PDE6B: variants seen among roughly 807,000 people sequenced by gnomAD.
PDE6B encodes phosphodiesterase 6B, also known as rod cGMP-specific 3',5'-cyclic phosphodiesterase subunit beta.
Under a neutral mutation model 109.0 loss-of-function variants are expected in PDE6B, and 106 were observed. That is an observed-to-expected ratio of 0.97 (90% CI 0.83 to 1.14). The LOEUF is 1.14. PDE6B is among the 50% of genes most tolerant of loss of function. PDE6B has a pLI of 0.00. For missense variants in PDE6B, 1,193 were observed against 1,155.6 expected, an observed-to-expected ratio of 1.03 and a Z score of -0.47; for synonymous variants, 490 against 471.3, an observed-to-expected ratio of 1.04 and a Z score of -0.51.
In PDE6B at chr4:657,394, C is replaced by T. The variant is rs756759117; in HGVS notation, c.1301C>T (p.Thr434Ile). 6.2e-7 allele frequency: 1 copy of T among 1,613,166 alleles called. No individual in the cohort carries two copies. The highest frequency in any genetic ancestry group is 8.5e-7 in the Non-Finnish European group (1 of 1,179,784). The change falls in exon 10 of 22, where the codon ACC (threonine) becomes ATC (isoleucine). Residue 434 changes from threonine to isoleucine, a missense_variant. Coordinates refer to ENST00000496514, the MANE Select transcript of PDE6B (RefSeq NM_000283.4). ...GGCTGGTCAGTGATGAACACCGACA[C>T]CTACGACAAGATGAACAAGCTGGAG... The part of the protein sequence containing the change: ...FLGWSVMNTD[T>I]YDKMNKLENR...
chr4:647,190 A>C (rs550450367), intron 3 of PDE6B, among the ~76,000 whole-genome samples: 1 of 152,050 alleles, frequency 6.6e-6, no homozygotes, highest in East Asian at 1.9e-4. Flanking sequence ...CCAGTCTGAT[A>C]ATTCCCAACT....
intron 5 of PDE6B, 180 bp from the exon 6 acceptor site, chr4:654,644 C>G (rs1262717476): frequency 7.2e-6 from 5 of 691,784 alleles, no homozygotes; most frequent in Non-Finnish European, 1.1e-5. Context: ...AGTGCACCCG[C>G]ATTCGTAGAA....
chr4:657,084 G>A (rs570889120), intron 9 of PDE6B, 61 bp downstream of exon 9: 32 of 1,521,458 alleles, frequency 2.1e-5, no homozygotes, highest in African/African-American at 2.7e-5. Context: ...GGGCCTGTGC[G>A]GTGTGGGGGC....
intron 10 of PDE6B, among the ~76,000 whole-genome samples, chr4:658,472 A>G (rs1577287095): frequency 7.2e-6 from 1 of 139,194 alleles, no homozygotes; most frequent in African/African-American, 2.7e-5. Flanking sequence ...CAGGGGTCAC[A>G]GCTGTGTGGG....
chr4:652,573 C>T (rs1035195659), intron 3 of PDE6B: 7 of 780,138 alleles, frequency 9.0e-6, no homozygotes, highest in African/African-American at 5.6e-5. Context: ...GTTCTGCTTC[C>T]GAGGATTTAT....
chr4:658,574 C>T (rs1282383875), intron 10 of PDE6B, among the ~76,000 whole-genome samples: 1 of 152,090 alleles, frequency 6.6e-6, no homozygotes, highest in African/African-American at 2.4e-5. Flanking sequence ...GGGACACGGC[C>T]CTGGGGCCAG....
intron 21 of PDE6B, among the ~76,000 whole-genome samples, chr4:669,348 C>T (rs1738202501): frequency 7.2e-6 from 1 of 139,042 alleles, no homozygotes; most frequent in African/African-American, 3.0e-5. Flanking sequence ...TTCCCCTACC[C>T]CATGCTATTC....
intron 21 of PDE6B, among the ~76,000 whole-genome samples, chr4:669,510 A>G (rs5021193): frequency 0.044 from 2,239 of 51,312 alleles, 44 homozygotes; most frequent in Middle Eastern, 0.056. Context: ...TGCTATTCCC[A>G]CTACCCCATG....
chr4:632,511 G>A (rs935116385), intron 1 of PDE6B, among the ~76,000 whole-genome samples: 1 of 151,568 alleles, frequency 6.6e-6, no homozygotes, highest in Admixed American at 6.6e-5. Flanking sequence ...GATCCATGTG[G>A]CACCATCTCT....
At chr4:659,103 G>C in intron 11 of PDE6B, 86 bp downstream of exon 11, 1 of 991,260 alleles carries the variant, frequency 1.0e-6, no homozygotes, top group Non-Finnish European at 1.6e-6. Flanking sequence ...GGGACCCGAC[G>C]GTGCTTTGCA....
At chr4:628,498 G>A (rs1298615511) in intron 1 of PDE6B, among the ~76,000 whole-genome samples, 21 of 152,338 alleles carry the variant, frequency 1.4e-4, no homozygotes, top group Admixed American at 1.2e-3. Flanking sequence ...TTACATTGGG[G>A]AACTAATGTC....
chr4:666,645 T>G lies in PDE6B; in HGVS notation c.2352+31T>G. The G allele has an allele frequency of 6.8e-7, 1 of 1,466,592 alleles. No individual in the cohort carries two copies. Among genetic ancestry groups the G allele is most frequent in the Non-Finnish European group, 9.6e-7 (1 of 1,045,912 alleles). The allele number at this position is 1,466,592 out of a possible 1,614,324, so 90.8% of individuals were successfully genotyped here. A position where few individuals can be genotyped will look rare whatever the true frequency, so the allele number is the denominator to read the frequency against. ...TGGTTCACGGGTGTTCCGAGCTGACTGGGGCAGGGTGGCTGGGAGCAGGCA... is the reference window on the plus strand; with the variant it reads ...TGGTTCACGGGTGTTCCGAGCTGACGGGGGCAGGGTGGCTGGGAGCAGGCA... On this transcript the variant is annotated intron_variant, in intron 20 of 21. Transcript: ENST00000496514. The surrounding 1 kb of genome is among the most constrained non-coding windows in gnomAD (Gnocchi z 5.6).
intron 3 of PDE6B, chr4:653,618 G>A (rs1275234426): frequency 4.9e-6 from 3 of 612,554 alleles, no homozygotes; most frequent in Non-Finnish European, 8.7e-6. Flanking sequence ...AGTGATCAGG[G>A]ACACGACCGC....
intron 7 of PDE6B, 23 bp downstream of exon 7, chr4:656,029 TC>T (rs752955687): frequency 6.0e-6 from 9 of 1,503,014 alleles, no homozygotes; most frequent in Non-Finnish European, 8.3e-6. Flanking sequence ...CTGTCTGGAG[TC>T]CCCACAGCCT....
chr4:662,753 G>A lies in PDE6B; in HGVS notation c.1832+135G>A. The A allele has an allele frequency of 2.8e-6, 2 of 710,434 alleles. No individual in the cohort carries two copies. The highest frequency in any genetic ancestry group is 5.1e-6 in the Non-Finnish European group (2 of 392,302). The allele number at this position is 710,434 out of a possible 1,614,324, so 44.0% of individuals were successfully genotyped here. A position where few individuals can be genotyped will look rare whatever the true frequency, so the allele number is the denominator to read the frequency against. ...GCCCCGTACTCCAGCACTGTGGGAG[G>A]CCAAGGCGAGGGGATTGCTTGAGCC... On this transcript the variant is annotated intron_variant, in intron 14 of 21. Coordinates refer to ENST00000496514, the MANE Select transcript of PDE6B (RefSeq NM_000283.4). The surrounding 1 kb of genome is among the most constrained non-coding windows in gnomAD (Gnocchi z 4.3).
chr4:663,110 C>G lies in PDE6B; in HGVS notation c.1843C>G (p.Pro615Ala). The G allele has an allele frequency of 1.2e-6, 2 of 1,607,780 alleles. No homozygotes were observed. Among genetic ancestry groups the G allele is most frequent in the East Asian group, 4.5e-5 (2 of 44,810 alleles). Residue 615 changes from proline to alanine, a missense_variant, in exon 15 of 22, where the codon CCC (proline) becomes GCC (alanine). By Grantham distance (27) the Pro-to-Ala change is conservative (BLOSUM62 -1). Transcript: ENST00000496514. The surrounding 1 kb of genome is among the most constrained non-coding windows in gnomAD (Gnocchi z 4.0). Reference sequence around the variant, plus strand: ...CCACCTGTGTAACAGGTCCCAGAACCCCTTGGCTAAGCTCCACGGCTCCTC... The same window carrying G: ...CCACCTGTGTAACAGGTCCCAGAACGCCTTGGCTAAGCTCCACGGCTCCTC... ...NNLYQMKSQN[P>A]LAKLHGSSIL...
At chr4:667,762 A>C (rs1737961090) in intron 20 of PDE6B, 94 bp from the exon 21 acceptor site, 2 of 1,362,980 alleles carry the variant, frequency 1.5e-6, no homozygotes, top group African/African-American at 1.4e-5. Flanking sequence ...CAGGCAGTTC[A>C]TCCCCTACGA....
chr4:659,099 C>T (rs1736719441), intron 11 of PDE6B, 82 bp downstream of exon 11: 17 of 1,038,066 alleles, frequency 1.6e-5, no homozygotes, highest in Middle Eastern at 2.1e-4. Flanking sequence ...CTCCGGGACC[C>T]GACGGTGCTT....
At chr4:664,819 C>A in intron 17 of PDE6B, 62 bp from the exon 18 acceptor site, 1 of 1,290,156 alleles carries the variant, frequency 7.8e-7, no homozygotes, top group Non-Finnish European at 1.1e-6. Flanking sequence ...AAAGAAAACA[C>A]ATATAAACCA....
Sources: gnomAD v4.1 joint callset for allele counts (sites outside exome capture counted in the v4.1 genomes callset) on GRCh38, gnomAD v4.1.1 for gene constraint, Gnocchi (gnomAD v3.1) non-coding constraint, MANE v1.5 for transcripts, NCBI Gene and HGNC (gene_info 2026-07-23, HGNC 2026-07-21) for gene names.